The following DPY19L4 variants were observed in gnomAD, a reference collection of about 807,000 sequenced individuals.
The protein encoded by DPY19L4 is dpy-19 like 4.
DPY19L4 carries 97 observed loss-of-function variants against 102.8 expected under a neutral mutation model. That is an observed-to-expected ratio of 0.94 (90% CI 0.80 to 1.12). The LOEUF (loss-of-function observed/expected upper bound fraction) is 1.12. DPY19L4 is among the 50% of genes most tolerant of loss of function. DPY19L4 has a pLI of 0.00. For missense variants in DPY19L4, 815 were observed against 850.4 expected (o/e 0.96, Z 0.52); for synonymous variants, 252 against 283.1 (o/e 0.89, Z 1.10).
At chr8:94,783,640 C>T (rs1383960786) in intron 16 of DPY19L4, 30 bp from the exon 17 acceptor site, 4 of 1,608,784 alleles carry the variant, frequency 2.5e-6, no homozygotes, top group South Asian at 2.2e-5. Context: ...CTTGCCTTTT[C>T]AGTGTGCAAA....
At chr8:94,779,882 T>C (rs920471032) in intron 14 of DPY19L4, among the ~76,000 whole-genome samples, 24 of 152,214 alleles carry the variant, frequency 1.6e-4, no homozygotes, top group Non-Finnish European at 2.6e-4. Flanking sequence ...ATAATACTTA[T>C]GTTGTATTTT....
At chr8:94,737,511 G>A (rs531702864) in intron 3 of DPY19L4, among the ~76,000 whole-genome samples, 41 of 151,984 alleles carry the variant, frequency 2.7e-4, no homozygotes, top group African/African-American at 9.9e-4. Flanking sequence ...AGGGCCAGGC[G>A]GTGACTCAAC....
chr8:94,780,301 C>G (rs1320160699), intron 14 of DPY19L4, 58 bp from the exon 15 acceptor site: 2 of 1,292,762 alleles, frequency 1.5e-6, no homozygotes, highest in Non-Finnish European at 2.1e-6. Flanking sequence ...TGTCTATTAC[C>G]TCTAACGTGT....
intron 3 of DPY19L4, among the ~76,000 whole-genome samples, chr8:94,735,136 G>T (rs1164670402): frequency 1.3e-5 from 2 of 152,144 alleles, no homozygotes; most frequent in Non-Finnish European, 2.9e-5. Context: ...TGTTGAAAGG[G>T]ATTAACAGGC....
intron 6 of DPY19L4, among the ~76,000 whole-genome samples, chr8:94,751,484 C>CTTAG (rs1554591425): frequency 6.7e-6 from 1 of 149,986 alleles, no homozygotes; most frequent in Non-Finnish European, 1.5e-5. Flanking sequence ...TGTCTGGTTT[C>CTTAG]TTATTTATTT....
At chr8:94,784,423 T>G (rs1029418181) in intron 17 of DPY19L4, among the ~76,000 whole-genome samples, 7 of 152,180 alleles carry the variant, frequency 4.6e-5, no homozygotes, top group African/African-American at 1.7e-4. Flanking sequence ...TATTTTATTT[T>G]TTATTGTATT....
intron 7 of DPY19L4, 29 bp from the exon 8 acceptor site, chr8:94,761,671 A>G: frequency 6.4e-7 from 1 of 1,557,958 alleles, no homozygotes; most frequent in Non-Finnish European, 8.6e-7. Context: ...AGTTATTGAT[A>G]TTTAGTTTCT....
chr8:94,777,773 A>C lies in DPY19L4; in HGVS notation c.1562A>C (p.His521Pro), dbSNP rs1303039121. The change falls in exon 14 of 19, where the codon CAC becomes CCC. Residue 521 changes from histidine (H) to proline (P), a missense_variant. His to Pro is a moderately conservative substitution (Grantham distance 77). Coordinates refer to ENST00000414645, the MANE Select transcript of DPY19L4 (RefSeq NM_181787.3). ...AAGTGGCTTCGATTAAGAACTGTACACCCAATATTGTTGGTGAGTCATTAT... is the reference window on the plus strand; with the variant it reads ...AAGTGGCTTCGATTAAGAACTGTACCCCCAATATTGTTGGTGAGTCATTAT... ...LFKWLRLRTV[H>P]PILLALILSM... 3.1e-6 allele frequency: 5 copies of C among 1,611,938 alleles called. No homozygotes were observed. The Admixed American group carries it at 8.4e-5, about 27-fold the overall frequency.
chr8:94,724,544 T>G (rs905990178), intron 1 of DPY19L4, among the ~76,000 whole-genome samples: 6 of 152,140 alleles, frequency 3.9e-5, no homozygotes, highest in Admixed American at 3.3e-4. Context: ...ATACTCAAAG[T>G]CTGGGGTATG....
In DPY19L4 at chr8:94,770,635, C is replaced by G. The variant is rs532793354; in HGVS notation, c.1454+64C>G. On this transcript the variant is annotated intron_variant, in intron 13 of 18. Transcript: ENST00000414645. ...ATTGTTGGCTGAGTGCGGTGACTCA[C>G]ACCTGTAATCCCAGCACTTTGGGAG... The G allele has an allele frequency of 2.3e-5, 37 of 1,598,064 alleles. No individual in the cohort carries two copies. The African/African-American group carries it at 5.0e-4, about 21-fold the overall frequency.
chr8:94,740,858 C>G (rs1289853442), intron 6 of DPY19L4, among the ~76,000 whole-genome samples: 2 of 152,034 alleles, frequency 1.3e-5, no homozygotes, highest in African/African-American at 4.8e-5. Context: ...TTACAGTTTC[C>G]CTGGTTGACC....
chr8:94,721,753 T>G (rs1263152387), intron 1 of DPY19L4, among the ~76,000 whole-genome samples: 1 of 152,242 alleles, frequency 6.6e-6, no homozygotes, highest in Non-Finnish European at 1.5e-5. Flanking sequence ...TGTACTTAAA[T>G]AGATCTGTGG....
At chr8:94,738,844 G>T (rs1429201885) in intron 4 of DPY19L4, among the ~76,000 whole-genome samples, 1 of 151,946 alleles carries the variant, frequency 6.6e-6, no homozygotes. Context: ...ATAAAACTTT[G>T]TTCTTCTATT....
intron 17 of DPY19L4, 35 bp from the exon 18 acceptor site, chr8:94,787,859 A>G: frequency 8.4e-7 from 1 of 1,184,368 alleles, no homozygotes; most frequent in Non-Finnish European, 1.1e-6. Flanking sequence ...TTTTAATTAT[A>G]TTCTTTCAGT....
At chr8:94,756,974 G>T (rs1812186052) in intron 7 of DPY19L4, among the ~76,000 whole-genome samples, 1 of 152,200 alleles carries the variant, frequency 6.6e-6, no homozygotes, top group Non-Finnish European at 1.5e-5. Context: ...GTAGTGAGCT[G>T]AGATCACGCC....
At chr8:94,778,984 G>A (rs1813307957) in intron 14 of DPY19L4, among the ~76,000 whole-genome samples, 1 of 152,234 alleles carries the variant, frequency 6.6e-6, no homozygotes, top group African/African-American at 2.4e-5. Context: ...GCAGTGGGAA[G>A]AAATTGGGAT....
Position 94,738,429 on chromosome 8 carries a change from G to A in DPY19L4, c.313G>A (p.Asp105Asn). ...DSAIYYSYYK[D>N]MLKAPSFERG... is the part of the protein sequence containing the mutation. The stretch of plus-strand genomic sequence containing the variant: ...TGCCATTTATTACTCCTATTATAAA[G>A]ATATGTTAAAGGCACCTTCATTTGA... Residue 105 changes from aspartate (D) to asparagine (N), a missense_variant, in exon 4 of 19, where the codon GAT (aspartate) becomes AAT (asparagine). Coordinates refer to ENST00000414645, the MANE Select transcript of DPY19L4 (RefSeq NM_181787.3). The A allele has an allele frequency of 1.3e-6, 2 of 1,562,062 alleles. No individual in the cohort carries two copies. Among genetic ancestry groups the A allele is most frequent in the Non-Finnish European group, 1.7e-6 (2 of 1,156,500 alleles).
rs1811342887 is a variant in DPY19L4 at position 94,739,519 on chromosome 8, A to G, written c.450A>G (p.Gln150=). The G allele has an allele frequency of 1.2e-6, 2 of 1,605,266 alleles. No individual in the cohort carries two copies. Among genetic ancestry groups the G allele is most frequent in the Non-Finnish European group, 1.7e-6 (2 of 1,177,672 alleles). The change falls in exon 5 of 19, where the codon CAA becomes CAG. Residue 150 remains glutamine (Q), a synonymous_variant. Coordinates refer to ENST00000414645, the MANE Select transcript of DPY19L4 (RefSeq NM_181787.3). ...AACTTATTGCTAGCATTTTATATCA[A>G]GCCACTGGTAGCAATGTATGTATTT... is the stretch of plus-strand genomic sequence containing the variant. ...YPELIASILY[Q]ATGSNEIIEP... is the part of the protein sequence containing the mutation.
intron 18 of DPY19L4, 31 bp downstream of exon 18, chr8:94,788,083 G>GTATA (rs200093964): frequency 4.0e-6 from 4 of 1,011,154 alleles, no homozygotes; most frequent in South Asian, 3.2e-5. Context: ...TTATATATAT[G>GTATA]TATATATATA....
Sources: allele counts gnomAD v4.1 joint callset (sites outside exome capture counted in the v4.1 genomes callset), GRCh38; gene constraint gnomAD v4.1.1; transcripts MANE v1.5; gene names NCBI Gene and HGNC (gene_info 2026-07-23, HGNC 2026-07-21).